THSD4: variants seen among roughly 807,000 people sequenced by gnomAD.
THSD4 encodes thrombospondin type 1 domain containing 4, also known as thrombospondin type-1 domain-containing protein 4.
Under a neutral mutation model 119.0 loss-of-function variants are expected in THSD4, and 69 were observed. That is an observed-to-expected ratio of 0.58 (90% CI 0.48 to 0.71). The LOEUF is 0.71. Among genes scored for constraint, THSD4 ranks in the 30% least tolerant of loss-of-function variants. THSD4 has a pLI of 0.00. For missense variants in THSD4, 1,393 were observed against 1,391.1 expected (o/e 1.00, Z -0.02); for synonymous variants, 524 against 540.4 (o/e 0.97, Z 0.42).
At chr15:71,467,001 A>G (rs2047510093) in intron 7 of THSD4, among the ~76,000 whole-genome samples, 1 of 152,208 alleles carries the variant, frequency 6.6e-6, no homozygotes, top group Admixed American at 6.5e-5. Context: ...TCGCGTTTGT[A>G]ACTCACATCC....
intron 6 of THSD4, among the ~76,000 whole-genome samples, chr15:71,400,731 A>G (rs1207030245): frequency 6.6e-6 from 1 of 152,058 alleles, no homozygotes; most frequent in African/African-American, 2.4e-5. Flanking sequence ...CACTTCACTC[A>G]TCAGCATCTG....
At chr15:71,139,045 G>A (rs906298578) in intron 1 of THSD4, among the ~76,000 whole-genome samples, 3 of 149,450 alleles carry the variant, frequency 2.0e-5, no homozygotes, top group Non-Finnish European at 4.4e-5. Flanking sequence ...GTGAATGCTA[G>A]CCTCACACCC....
chr15:71,450,216 G>A (rs958452520), intron 7 of THSD4, among the ~76,000 whole-genome samples: 2 of 152,220 alleles, frequency 1.3e-5, no homozygotes, highest in Non-Finnish European at 2.9e-5. Flanking sequence ...GTGGCTGCGT[G>A]TCCATATGCC....
intron 7 of THSD4, among the ~76,000 whole-genome samples, chr15:71,635,890 T>G (rs2050729841): frequency 6.6e-6 from 1 of 152,186 alleles, no homozygotes; most frequent in Non-Finnish European, 1.5e-5. Flanking sequence ...ATTTTATAGA[T>G]GAGGAAACTG....
intron 6 of THSD4, among the ~76,000 whole-genome samples, chr15:71,369,214 A>T (rs1281505769): frequency 6.6e-6 from 1 of 152,222 alleles, no homozygotes; most frequent in African/African-American, 2.4e-5. Flanking sequence ...ATATACAATC[A>T]TGTCATCTGC....
At chr15:71,481,822 C>A (rs1370287038) in intron 7 of THSD4, among the ~76,000 whole-genome samples, 2 of 152,170 alleles carry the variant, frequency 1.3e-5, no homozygotes, top group African/African-American at 2.4e-5. Context: ...TATGAGAACA[C>A]CATGGTTTCT....
At chr15:71,708,776 A>T (rs1269687902) in intron 8 of THSD4, among the ~76,000 whole-genome samples, 1 of 152,194 alleles carries the variant, frequency 6.6e-6, no homozygotes, top group African/African-American at 2.4e-5. Flanking sequence ...TCTCTGAGGA[A>T]GTTTTTAAGT....
At chr15:71,744,994 C>T (rs2141167718) in intron 11 of THSD4, 112 bp from the exon 12 acceptor site, 3 of 1,392,162 alleles carry the variant, frequency 2.2e-6, no homozygotes, top group Middle Eastern at 2.7e-4. Context: ...GAATTGTCCT[C>T]ACTGTTTCTG....
chr15:71,676,992 G>T (rs994180250), intron 8 of THSD4, among the ~76,000 whole-genome samples: 11 of 152,154 alleles, frequency 7.2e-5, no homozygotes, highest in African/African-American at 2.7e-4. Flanking sequence ...GAGTCATATG[G>T]TAACTCTATA....
At chr15:71,748,319 A>G in intron 13 of THSD4, 102 bp from the exon 14 acceptor site, 1 of 1,408,998 alleles carries the variant, frequency 7.1e-7, no homozygotes, top group Non-Finnish European at 9.7e-7. Flanking sequence ...ACAGAGCCTC[A>G]GTCTCATGGG....
At chr15:71,331,942 A>C (rs1157868374) in intron 6 of THSD4, among the ~76,000 whole-genome samples, 1 of 151,830 alleles carries the variant, frequency 6.6e-6, no homozygotes, top group African/African-American at 2.4e-5. Flanking sequence ...TCAAGACAGG[A>C]CTGTACATTC....
chr15:71,596,896 A>T (rs2049916297), intron 7 of THSD4, among the ~76,000 whole-genome samples: 1 of 152,172 alleles, frequency 6.6e-6, no homozygotes, highest in Admixed American at 6.5e-5. Flanking sequence ...GTTGTTTAAG[A>T]GCAGCAGCCA....
In THSD4 at chr15:71,728,577, C is replaced by T; in HGVS notation, c.1386C>T (p.Ile462=). 6.2e-7 allele frequency: 1 copy of T among 1,614,206 alleles called. No homozygotes were observed. The highest frequency in any genetic ancestry group is 2.2e-5 in the East Asian group (1 of 44,888). The part of the protein sequence containing the change: ...LALRSRSGRS[I]INGNWAIDRP... ...TGAGAAGTCGTTCTGGACGCTCCAT[C>T]ATCAATGGGAACTGGGCAATTGATC... Residue 462 remains isoleucine, a synonymous_variant, in exon 9 of 18, where the codon ATC becomes ATT. Coordinates refer to ENST00000261862, the MANE Select transcript of THSD4 (RefSeq NM_024817.3).
At position 71,781,368 on chromosome 15, in the gene THSD4, A is replaced by C. The variant is rs1354286028; in HGVS notation, c.*3994A>C. 6.5e-6 allele frequency: 1 copy of C among 153,322 alleles called. No homozygotes were observed. Among genetic ancestry groups the C allele is most frequent in the Non-Finnish European group, 1.5e-5 (1 of 68,784 alleles). 9.5% of individuals were successfully genotyped at this position (153,322 alleles called of 1,614,324 possible). ...CAGTTGACTAAGCTCAGTGTGAGTC[A>C]AAGTGGGATGGAACCATGCAAAAAC... On this transcript the variant is annotated 3_prime_UTR_variant, in exon 18 of 18. Coordinates refer to ENST00000261862, the MANE Select transcript of THSD4 (RefSeq NM_024817.3).
intron 14 of THSD4, among the ~76,000 whole-genome samples, chr15:71,755,627 A>G (rs2053524359): frequency 6.7e-6 from 1 of 149,512 alleles, no homozygotes; most frequent in Non-Finnish European, 1.5e-5. Context: ...GGATTTACTC[A>G]TGAATAAGAC....
intron 7 of THSD4, among the ~76,000 whole-genome samples, chr15:71,447,118 G>GTTTTTTTTTTT (rs1555414736): frequency 5.3e-5 from 4 of 76,068 alleles, no homozygotes; most frequent in East Asian, 3.5e-4. Context: ...CATTTTTTTT[G>GTTTTTTTTTTT]TTTTTTTTTT....
At chr15:71,407,219 T>A (rs1339769039) in intron 6 of THSD4, among the ~76,000 whole-genome samples, 1 of 152,186 alleles carries the variant, frequency 6.6e-6, no homozygotes, top group East Asian at 1.9e-4. Flanking sequence ...TTCTTACAAC[T>A]CTTAGAGATA....
At chr15:71,696,986 C>T (rs1361117580) in intron 8 of THSD4, among the ~76,000 whole-genome samples, 2 of 152,144 alleles carry the variant, frequency 1.3e-5, no homozygotes, top group Non-Finnish European at 1.5e-5. Flanking sequence ...GCCCATGCGA[C>T]TTGAGAGGCA....
At chr15:71,663,836 G>A (rs1017281231) in intron 8 of THSD4, among the ~76,000 whole-genome samples, 1 of 152,102 alleles carries the variant, frequency 6.6e-6, no homozygotes. Flanking sequence ...CTTACCTTGT[G>A]AGTTCTGGCT....
Sources: allele counts gnomAD v4.1 joint callset (sites outside exome capture counted in the v4.1 genomes callset), GRCh38; gene constraint gnomAD v4.1.1; transcripts MANE v1.5; gene names NCBI Gene and HGNC (gene_info 2026-07-23, HGNC 2026-07-21).